The following NALCN variants were observed in gnomAD, a reference collection of about 807,000 sequenced individuals.
The protein encoded by NALCN is sodium leak channel, non-selective.
Under a neutral mutation model 225.3 loss-of-function variants are expected in NALCN, and 111 were observed. The ratio of observed to expected loss-of-function variants is 0.49; its 90% CI spans 0.42 to 0.58. The LOEUF is 0.58. NALCN is among the 20% of genes least tolerant of loss of function. NALCN has a pLI of 0.00. For missense variants in NALCN, 1,378 were observed against 2,202.4 expected (o/e 0.63, Z 7.49); for synonymous variants, 764 against 769.0 (o/e 0.99, Z 0.11).
chr13:101,109,950 G>T (rs1036903503), intron 20 of NALCN, among the ~76,000 whole-genome samples: 1 of 152,234 alleles, frequency 6.6e-6, no homozygotes, highest in Admixed American at 6.5e-5. Flanking sequence ...AAAATAAAAA[G>T]AAATCACTCC....
At chr13:101,281,630 G>A (rs1037347605) in intron 10 of NALCN, among the ~76,000 whole-genome samples, 1 of 152,018 alleles carries the variant, frequency 6.6e-6, no homozygotes, top group East Asian at 1.9e-4. Flanking sequence ...TCTACTTATT[G>A]CCCTCCATTT....
At chr13:101,244,247 T>C (rs2140172246) in intron 11 of NALCN, among the ~76,000 whole-genome samples, 1 of 152,304 alleles carries the variant, frequency 6.6e-6, no homozygotes, top group Admixed American at 6.5e-5. Context: ...CTGAAAGATA[T>C]TCCAATAGAT....
chr13:101,415,288 C>T (rs989785708), intron 1 of NALCN, among the ~76,000 whole-genome samples: 10 of 148,646 alleles, frequency 6.7e-5, no homozygotes, highest in African/African-American at 2.5e-4. Context: ...AGGTGTTATC[C>T]ACCAACTACT....
At chr13:101,189,996 G>A (rs141394884) in intron 14 of NALCN, among the ~76,000 whole-genome samples, 6 of 152,216 alleles carry the variant, frequency 3.9e-5, no homozygotes, top group African/African-American at 1.4e-4. Context: ...GATTGCCCAA[G>A]AAGGCTATAT....
intron 7 of NALCN, among the ~76,000 whole-genome samples, chr13:101,335,791 G>C (rs978262237): frequency 6.6e-6 from 1 of 151,084 alleles, no homozygotes; most frequent in Non-Finnish European, 1.5e-5. Context: ...TATGACTGCA[G>C]TAAAAATATA....
intron 12 of NALCN, among the ~76,000 whole-genome samples, chr13:101,235,168 A>C (rs1181831475): frequency 6.6e-6 from 1 of 152,014 alleles, no homozygotes; most frequent in Non-Finnish European, 1.5e-5. Context: ...AACTCATCAC[A>C]ATTATAATTT....
intron 15 of NALCN, among the ~76,000 whole-genome samples, chr13:101,171,336 T>C (rs569200024): frequency 1.3e-5 from 2 of 148,998 alleles, no homozygotes; most frequent in Non-Finnish European, 3.0e-5. Flanking sequence ...ATATTACATA[T>C]ATGTAATACA....
At chr13:101,295,296 A>G (rs189297198) in intron 7 of NALCN, among the ~76,000 whole-genome samples, 41 of 152,346 alleles carry the variant, frequency 2.7e-4, no homozygotes, top group African/African-American at 9.4e-4. Context: ...CAAACAATTT[A>G]TAATGTATAT....
At chr13:101,168,205 C>T (rs1158900256) in intron 15 of NALCN, among the ~76,000 whole-genome samples, 1 of 152,136 alleles carries the variant, frequency 6.6e-6, no homozygotes, top group Non-Finnish European at 1.5e-5. Flanking sequence ...TTATTTATTA[C>T]CCCTTAGGGA....
At chr13:101,384,450 G>T (rs1195648493) in intron 3 of NALCN, among the ~76,000 whole-genome samples, 1 of 151,924 alleles carries the variant, frequency 6.6e-6, no homozygotes, top group Non-Finnish European at 1.5e-5. Context: ...TTAACAAGCA[G>T]AAAAAGGAAA....
chr13:101,065,135 C>T (rs1001262405), intron 40 of NALCN, among the ~76,000 whole-genome samples: 4 of 152,172 alleles, frequency 2.6e-5, no homozygotes, highest in South Asian at 2.1e-4. Flanking sequence ...CCTCTCCCCT[C>T]GGGGTGCACC....
chr13:101,364,644 A>T (rs1387459786), intron 6 of NALCN, among the ~76,000 whole-genome samples: 5 of 152,092 alleles, frequency 3.3e-5, no homozygotes, highest in African/African-American at 1.2e-4. Context: ...AGTCAGATAA[A>T]ATAAATAAGA....
At chr13:101,102,297 A>C (rs1022517219) in intron 26 of NALCN, among the ~76,000 whole-genome samples, 1 of 152,116 alleles carries the variant, frequency 6.6e-6, no homozygotes, top group Non-Finnish European at 1.5e-5. Context: ...AAAAAGAAAA[A>C]AAAAGTCAGT....
At chr13:101,398,146 G>A (rs2047369271) in intron 2 of NALCN, among the ~76,000 whole-genome samples, 1 of 152,102 alleles carries the variant, frequency 6.6e-6, no homozygotes, top group Non-Finnish European at 1.5e-5. Context: ...TTGCAATGAA[G>A]GTAATAGGGA....
intron 6 of NALCN, among the ~76,000 whole-genome samples, chr13:101,357,955 A>G (rs558836548): frequency 6.6e-6 from 1 of 152,312 alleles, no homozygotes; most frequent in South Asian, 2.1e-4. Flanking sequence ...CTATTTAATA[A>G]ATGGTGCTGA....
chr13:101,182,450 A>G (rs1463712294), intron 14 of NALCN, among the ~76,000 whole-genome samples: 1 of 152,240 alleles, frequency 6.6e-6, no homozygotes, highest in Non-Finnish European at 1.5e-5. Context: ...TAAAAATAAT[A>G]TAATAAAGTT....
intron 13 of NALCN, among the ~76,000 whole-genome samples, chr13:101,210,415 A>G (rs1444427228): frequency 6.6e-6 from 1 of 152,170 alleles, no homozygotes; most frequent in Non-Finnish European, 1.5e-5. Context: ...TATACATATC[A>G]TTGGGTGAAT....
intron 15 of NALCN, among the ~76,000 whole-genome samples, chr13:101,152,360 G>C (rs2037693130): frequency 6.6e-6 from 1 of 152,198 alleles, no homozygotes; most frequent in South Asian, 2.1e-4. Context: ...TTAAGTGGCT[G>C]TTTTGTGTTT....
In NALCN at chr13:101,083,893, T is replaced by C. The variant is rs548898207; in HGVS notation, c.3490-89A>G. 2.1e-5 allele frequency: 25 copies of C among 1,206,600 alleles called. No homozygotes were observed. The African/African-American group carries it at 3.6e-4, about 17-fold the overall frequency. The allele number at this position is 1,206,600 out of a possible 1,614,324, so 74.7% of individuals were successfully genotyped here. ...GATGGGGTGCCGAGACAAACAGGAC[T>C]GATGTGAGGGCTTGCACTGACCATG... is the stretch of plus-strand genomic sequence containing the variant. On this transcript the variant is annotated intron_variant, in intron 30 of 43. Transcript: ENST00000251127.
Sources: gnomAD v4.1 joint callset for allele counts (sites outside exome capture counted in the v4.1 genomes callset) on GRCh38, gnomAD v4.1.1 for gene constraint, MANE v1.5 for transcripts, NCBI Gene and HGNC (gene_info 2026-07-23, HGNC 2026-07-21) for gene names.